PALS2: variants seen among roughly 807,000 people sequenced by gnomAD.
PALS2 encodes protein associated with LIN7 2, MAGUK p55 family member.
PALS2 carries 27 observed loss-of-function variants against 61.6 expected under a neutral mutation model. That is an observed-to-expected ratio of 0.44 (90% CI 0.32 to 0.60). The LOEUF (loss-of-function observed/expected upper bound fraction) is 0.60. Ranked by LOEUF, PALS2 falls within the 20% of genes least tolerant of loss-of-function variation. The pLI, the probability that PALS2 is intolerant of heterozygous loss-of-function variation, is 0.05. For missense variants in PALS2, 554 were observed against 639.4 expected, an observed-to-expected ratio of 0.87 and a Z score of 1.44; for synonymous variants, 236 against 218.6, an observed-to-expected ratio of 1.08 and a Z score of -0.70.
chr7:24,623,128 G>C (rs1784589548), intron 1 of PALS2, among the ~76,000 whole-genome samples: 1 of 150,250 alleles, frequency 6.7e-6, no homozygotes, highest in Non-Finnish European at 1.5e-5. Context: ...TTTTTTGTGT[G>C]TGATGTTGTT....
At chr7:24,577,529 A>G (rs755745582) in intron 1 of PALS2, among the ~76,000 whole-genome samples, 6 of 151,924 alleles carry the variant, frequency 3.9e-5, no homozygotes, top group East Asian at 3.9e-4. Context: ...TCCTTCACCA[A>G]TTTACATCTT....
intron 11 of PALS2, among the ~76,000 whole-genome samples, chr7:24,686,423 G>A (rs1454844536): frequency 6.6e-6 from 1 of 152,086 alleles, no homozygotes. Flanking sequence ...TCTTCTTTCA[G>A]TATCTTGAAC....
At chr7:24,586,670 G>C (rs926531689) in intron 1 of PALS2, among the ~76,000 whole-genome samples, 1 of 152,192 alleles carries the variant, frequency 6.6e-6, no homozygotes, top group African/African-American at 2.4e-5. Flanking sequence ...AGAAAATCAT[G>C]TTTTTCTAAT....
chr7:24,675,682 A>T (rs557032939), intron 9 of PALS2, among the ~76,000 whole-genome samples: 1 of 139,584 alleles, frequency 7.2e-6, no homozygotes, highest in Non-Finnish European at 1.5e-5. Context: ...GAGAATGATG[A>T]TTTCCAATTT....
chr7:24,658,658 GTGATTCT>G (rs773933552), intron 5 of PALS2, among the ~76,000 whole-genome samples: 51 of 151,288 alleles, frequency 3.4e-4, no homozygotes, highest in Non-Finnish European at 6.2e-4. Context: ...CTGGGTTCAA[GTGATTCT>G]CCTGCCTGAG....
chr7:24,662,890 A>T (rs1786809175), intron 5 of PALS2, among the ~76,000 whole-genome samples: 1 of 152,150 alleles, frequency 6.6e-6, no homozygotes, highest in Non-Finnish European at 1.5e-5. Flanking sequence ...AATAAGCAAA[A>T]TAGCCCAAAT....
At chr7:24,643,885 T>C (rs905218516) in intron 3 of PALS2, among the ~76,000 whole-genome samples, 6 of 152,132 alleles carry the variant, frequency 3.9e-5, no homozygotes, top group African/African-American at 1.2e-4. Context: ...TAAACTGCAT[T>C]AGAAGATGTG....
intron 3 of PALS2, among the ~76,000 whole-genome samples, chr7:24,648,633 T>C (rs1215047753): frequency 6.6e-6 from 1 of 152,054 alleles, no homozygotes; most frequent in African/African-American, 2.4e-5. Context: ...AAAAAAAATT[T>C]AACATTTTAG....
chr7:24,630,948 C>T (rs1562626431), intron 2 of PALS2, among the ~76,000 whole-genome samples: 1 of 152,168 alleles, frequency 6.6e-6, no homozygotes, highest in Non-Finnish European at 1.5e-5. Flanking sequence ...AGAGCTCGGA[C>T]AGAAATGTAC....
chr7:24,591,982 CA>C (rs550655995), intron 1 of PALS2, among the ~76,000 whole-genome samples: 13 of 143,148 alleles, frequency 9.1e-5, no homozygotes, highest in African/African-American at 7.7e-5. Flanking sequence ...CAGAAAAATG[CA>C]AAAAAAAAAG....
At chr7:24,624,752 G>A (rs572497409) in intron 2 of PALS2, among the ~76,000 whole-genome samples, 90 of 151,744 alleles carry the variant, frequency 5.9e-4, no homozygotes, top group African/African-American at 1.9e-3. Context: ...GACTACAGGC[G>A]TGTGCCACCA....
At chr7:24,675,147 A>T (rs995561634) in intron 9 of PALS2, among the ~76,000 whole-genome samples, 1 of 152,168 alleles carries the variant, frequency 6.6e-6, no homozygotes, top group African/African-American at 2.4e-5. Context: ...AAACTAAAGA[A>T]CATTTCTCTA....
intron 2 of PALS2, among the ~76,000 whole-genome samples, chr7:24,636,727 T>A (rs1280839590): frequency 6.6e-6 from 1 of 152,192 alleles, no homozygotes; most frequent in Non-Finnish European, 1.5e-5. Context: ...GTGAATTTCT[T>A]TGCTGAAACT....
chr7:24,680,901 T>C (rs1257066054), intron 11 of PALS2, among the ~76,000 whole-genome samples: 1 of 152,226 alleles, frequency 6.6e-6, no homozygotes, highest in Non-Finnish European at 1.5e-5. Context: ...TGGCCAACTC[T>C]TAGCTAATTA....
intron 11 of PALS2, among the ~76,000 whole-genome samples, chr7:24,682,578 GT>G (rs150755915): frequency 0.016 from 2,453 of 152,174 alleles, 78 homozygotes; most frequent in African/African-American, 0.057. Context: ...TTTGTTTTCT[GT>G]CTTTCTATGA....
chr7:24,627,454 T>G (rs1269228699), intron 2 of PALS2, among the ~76,000 whole-genome samples: 1 of 151,780 alleles, frequency 6.6e-6, no homozygotes, highest in Admixed American at 6.6e-5. Context: ...TTAAAAGAAC[T>G]AGAGAAGCAA....
At chr7:24,675,601 C>T (rs1283631754) in intron 9 of PALS2, among the ~76,000 whole-genome samples, 2 of 135,980 alleles carry the variant, frequency 1.5e-5, no homozygotes, top group Admixed American at 8.1e-5. Context: ...TCCATGTGTT[C>T]TCATTGTTCA....
intron 1 of PALS2, among the ~76,000 whole-genome samples, chr7:24,606,914 T>C (rs1287826146): frequency 6.6e-6 from 1 of 152,194 alleles, no homozygotes; most frequent in African/African-American, 2.4e-5. Context: ...CATGTACACT[T>C]TGTGTACATA....
chr7:24,645,298 AT>A (rs1562637709), intron 3 of PALS2, among the ~76,000 whole-genome samples: 1 of 152,056 alleles, frequency 6.6e-6, no homozygotes, highest in African/African-American at 2.4e-5. Context: ...TTTGTGTACT[AT>A]ATAAAGAAGG....
Sources: allele counts gnomAD v4.1 joint callset (sites outside exome capture counted in the v4.1 genomes callset), GRCh38; gene constraint gnomAD v4.1.1; transcripts MANE v1.5; gene names NCBI Gene and HGNC (gene_info 2026-07-23, HGNC 2026-07-21).